Variants in CCSER2 observed in about 807,000 individuals in gnomAD.
The protein encoded by CCSER2 is coiled-coil serine rich protein 2.
In CCSER2, 46 loss-of-function variants were observed where a neutral mutation model predicts 92.3. That is an observed-to-expected ratio of 0.50 (90% CI 0.39 to 0.64). The LOEUF (loss-of-function observed/expected upper bound fraction) is 0.64. Ranked by LOEUF, CCSER2 falls within the 30% of genes least tolerant of loss-of-function variation. The pLI, the probability that CCSER2 is intolerant of heterozygous loss-of-function variation, is 0.00. For synonymous variants in CCSER2, 433 were observed against 431.4 expected, an observed-to-expected ratio of 1.00 and a Z score of -0.04; for missense variants, 1,244 against 1,238.9, an observed-to-expected ratio of 1.00 and a Z score of -0.06.
rs1849627334 is a variant in CCSER2 at position 84,517,273 on chromosome 10, AAAG to A, written c.*3010_*3012del. ...TAATGGGATGCATATCAAATTTTTA[AAAG>A]AAGGCTTGGCCTAAGGAGTTTATTG... is the stretch of plus-strand genomic sequence containing the variant. On this transcript the variant is annotated 3_prime_UTR_variant, in exon 10 of 10. Coordinates refer to ENST00000372088, the MANE Select transcript of CCSER2 (RefSeq NM_001284240.2). The A allele has an allele frequency of 6.6e-6, 1 of 152,668 alleles. No homozygotes were observed. The highest frequency in any genetic ancestry group is 2.1e-4 in the South Asian group (1 of 4,832). 9.5% of individuals were successfully genotyped at this position (152,668 alleles called of 1,614,324 possible). A position where few individuals can be genotyped will look rare whatever the true frequency, so the allele number is the denominator to read the frequency against.
chr10:84,391,586 CAAATGG>C lies in CCSER2; in HGVS notation c.1614+17773_1614+17778del. On this transcript the variant is annotated intron_variant, in intron 3 of 9. Transcript: ENST00000372088. The stretch of plus-strand genomic sequence containing the variant: ...ATAGGCAGTTGGAGAAATCTCCATT[CAAATGG>C]ATATAGAGATGCAGCCTTATATTCC... 3 of 1,511,642 alleles carry C rather than the reference CAAATGG, an allele frequency of 2.0e-6. No homozygotes were observed. The South Asian group carries it at 3.4e-5, about 17-fold the overall frequency. The allele number at this position is 1,511,642 out of a possible 1,614,324, so 93.6% of individuals were successfully genotyped here. A position where few individuals can be genotyped will look rare whatever the true frequency, so the allele number is the denominator to read the frequency against.
chr10:84,466,600 G>C (rs1204215466), intron 7 of CCSER2, among the ~76,000 whole-genome samples: 1 of 151,128 alleles, frequency 6.6e-6, no homozygotes, highest in African/African-American at 2.4e-5. Context: ...CACTTCCTGG[G>C]TTCATGCCAT....
chr10:84,496,713 T>A (rs10887309), intron 9 of CCSER2, among the ~76,000 whole-genome samples: 86,089 of 151,974 alleles, frequency 0.57, 27,076 homozygotes, highest in East Asian at 0.74. Context: ...TTGGCTAGAG[T>A]GTGCAGGCTT....
At chr10:84,344,918 A>G (rs1200653614) in intron 1 of CCSER2, among the ~76,000 whole-genome samples, 1 of 152,150 alleles carries the variant, frequency 6.6e-6, no homozygotes, top group African/African-American at 2.4e-5. Flanking sequence ...AATGTGCAAA[A>G]TGAGAATAAT....
At chr10:84,383,119 C>G (rs1017267565) in intron 3 of CCSER2, among the ~76,000 whole-genome samples, 1 of 152,122 alleles carries the variant, frequency 6.6e-6, no homozygotes, top group South Asian at 2.1e-4. Flanking sequence ...TGGAATTTCT[C>G]TAGTCCAAAA....
At chr10:84,367,169 G>A (rs760761354) in intron 1 of CCSER2, among the ~76,000 whole-genome samples, 4 of 151,762 alleles carry the variant, frequency 2.6e-5, no homozygotes, top group Non-Finnish European at 4.4e-5. Context: ...AATAGGATAC[G>A]TATTTGCATC....
chr10:84,428,577 C>T (rs1564652872), intron 5 of CCSER2, among the ~76,000 whole-genome samples: 1 of 152,162 alleles, frequency 6.6e-6, no homozygotes, highest in Non-Finnish European at 1.5e-5. Flanking sequence ...TTACCTTTTC[C>T]TTTCCATTTT....
chr10:84,330,683 T>G (rs1843516577), intron 1 of CCSER2, among the ~76,000 whole-genome samples: 1 of 152,136 alleles, frequency 6.6e-6, no homozygotes, highest in African/African-American at 2.4e-5. Context: ...TGGCTAATTT[T>G]TTTTTAGTAG....
At chr10:84,375,700 G>T (rs1162842312) in intron 3 of CCSER2, among the ~76,000 whole-genome samples, 1 of 150,280 alleles carries the variant, frequency 6.7e-6, no homozygotes, top group Non-Finnish European at 1.5e-5. Context: ...CCTTTTTTAT[G>T]TATAGCAAAT....
intron 6 of CCSER2, among the ~76,000 whole-genome samples, chr10:84,446,101 T>TTA (rs1844898343): frequency 6.6e-6 from 1 of 152,178 alleles, no homozygotes; most frequent in Non-Finnish European, 1.5e-5. Context: ...TTGTTTGCTC[T>TTA]TATCATATCA....
chr10:84,505,935 T>C (rs1849016857), intron 9 of CCSER2, among the ~76,000 whole-genome samples: 1 of 152,182 alleles, frequency 6.6e-6, no homozygotes, highest in South Asian at 2.1e-4. Flanking sequence ...TGGATAAATA[T>C]ACTGTGTCTA....
At chr10:84,441,784 A>C (rs1844580170) in intron 6 of CCSER2, among the ~76,000 whole-genome samples, 1 of 103,056 alleles carries the variant, frequency 9.7e-6, no homozygotes, top group Non-Finnish European at 1.8e-5. Flanking sequence ...TTTGAGACGA[A>C]GTCTCGCTGT....
At chr10:84,369,989 T>C (rs1389080907) in intron 1 of CCSER2, among the ~76,000 whole-genome samples, 2 of 152,190 alleles carry the variant, frequency 1.3e-5, no homozygotes, top group Non-Finnish European at 2.9e-5. Context: ...TTCTCTACTC[T>C]GTTCCTTTGC....
chr10:84,490,346 G>A (rs1181754889), intron 9 of CCSER2, among the ~76,000 whole-genome samples: 1 of 152,150 alleles, frequency 6.6e-6, no homozygotes, highest in African/African-American at 2.4e-5. Context: ...TTCCAACTTG[G>A]TTCCATTCTC....
At chr10:84,471,261 G>A (rs1038112192) in intron 8 of CCSER2, among the ~76,000 whole-genome samples, 2 of 151,880 alleles carry the variant, frequency 1.3e-5, no homozygotes, top group Non-Finnish European at 2.9e-5. Context: ...ATGATTAAAG[G>A]AACAAAGAAA....
At chr10:84,398,876 G>A (rs565089339) in intron 3 of CCSER2, among the ~76,000 whole-genome samples, 5 of 152,164 alleles carry the variant, frequency 3.3e-5, no homozygotes, top group Admixed American at 1.3e-4. Flanking sequence ...CTTGGTCTGG[G>A]AACCAGTATA....
rs534897353 is a variant in CCSER2 at position 84,517,253 on chromosome 10, G to C, written c.*2986G>C. 3.3e-5 allele frequency: 5 copies of C among 152,644 alleles called. No individual in the cohort carries two copies. In the South Asian group the frequency reaches 1.0e-3, roughly 32 times the overall value. 9.5% of individuals were successfully genotyped at this position (152,644 alleles called of 1,614,324 possible). A position where few individuals can be genotyped will look rare whatever the true frequency, so the allele number is the denominator to read the frequency against. ...AGACTTTGATATTTGGCTGTTAATG[G>C]GATGCATATCAAATTTTTAAAAGAA... On this transcript the variant is annotated 3_prime_UTR_variant, in exon 10 of 10. Transcript: ENST00000372088.
intron 1 of CCSER2, among the ~76,000 whole-genome samples, chr10:84,332,144 G>A (rs1843591471): frequency 6.6e-6 from 1 of 151,958 alleles, no homozygotes; most frequent in Non-Finnish European, 1.5e-5. Flanking sequence ...ATACTTTATA[G>A]GTTTTTGCTT....
chr10:84,364,877 G>C (rs753650741), intron 1 of CCSER2, among the ~76,000 whole-genome samples: 11 of 151,528 alleles, frequency 7.3e-5, no homozygotes, highest in Non-Finnish European at 1.6e-4. Flanking sequence ...GAGTAGCTCA[G>C]ATTACAGGTG....
Sources: allele counts gnomAD v4.1 joint callset (sites outside exome capture counted in the v4.1 genomes callset), GRCh38; gene constraint gnomAD v4.1.1; transcripts MANE v1.5; gene names NCBI Gene and HGNC (gene_info 2026-07-23, HGNC 2026-07-21).